CDH12: variants seen among roughly 807,000 people sequenced by gnomAD.
CDH12 encodes the protein cadherin-12.
CDH12 carries 41 observed loss-of-function variants against 74.1 expected under a neutral mutation model. The ratio of observed to expected loss-of-function variants is 0.55; its 90% CI spans 0.43 to 0.72. CDH12 has a LOEUF of 0.72. Ranked by LOEUF, CDH12 falls within the 30% of genes least tolerant of loss-of-function variation. The pLI, the probability that CDH12 is intolerant of heterozygous loss-of-function variation, is 0.00. For missense variants in CDH12, 945 were observed against 977.2 expected (o/e 0.97, Z 0.44); for synonymous variants, 399 against 355.0 (o/e 1.12, Z -1.39).
At chr5:22,294,195 A>C (rs2150415248) in intron 3 of CDH12, among the ~76,000 whole-genome samples, 1 of 152,314 alleles carries the variant, frequency 6.6e-6, no homozygotes, top group East Asian at 1.9e-4. Flanking sequence ...AAATAGATCT[A>C]TCAGCAAACA....
intron 5 of CDH12, among the ~76,000 whole-genome samples, chr5:21,978,151 CT>C (rs1561343353): frequency 6.6e-6 from 1 of 152,070 alleles, no homozygotes; most frequent in South Asian, 2.1e-4. Flanking sequence ...GATAACTTCT[CT>C]TTTTTTGAGT....
chr5:22,067,538 A>C (rs1240598171), intron 5 of CDH12, among the ~76,000 whole-genome samples: 3 of 152,154 alleles, frequency 2.0e-5, no homozygotes, highest in African/African-American at 4.8e-5. Flanking sequence ...GCTCTGAGAT[A>C]GATGCAGTCT....
intron 1 of CDH12, among the ~76,000 whole-genome samples, chr5:22,810,861 AAC>A (rs1196349812): frequency 2.6e-5 from 4 of 152,078 alleles, no homozygotes; most frequent in Non-Finnish European, 5.9e-5. Flanking sequence ...CAGCCTGGGC[AAC>A]AGAGTAAGAC....
chr5:22,705,130 T>TATATATAC (rs752782183), intron 1 of CDH12, among the ~76,000 whole-genome samples: 10,464 of 125,234 alleles, frequency 0.084, 524 homozygotes, highest in Admixed American at 0.15. Flanking sequence ...TATATATATA[T>TATATATAC]ACACACACAC....
At chr5:22,395,519 A>G (rs1184087837) in intron 3 of CDH12, among the ~76,000 whole-genome samples, 1 of 152,138 alleles carries the variant, frequency 6.6e-6, no homozygotes, top group African/African-American at 2.4e-5. Flanking sequence ...ATTTAACCTG[A>G]TATTAGGCTC....
intron 4 of CDH12, among the ~76,000 whole-genome samples, chr5:22,083,500 C>T (rs904195854): frequency 6.6e-6 from 1 of 152,122 alleles, no homozygotes; most frequent in African/African-American, 2.4e-5. Context: ...AAATTGTAGG[C>T]ACCAAGTACA....
chr5:22,342,788 T>A (rs1445932724), intron 3 of CDH12, among the ~76,000 whole-genome samples: 1 of 133,378 alleles, frequency 7.5e-6, no homozygotes, highest in Non-Finnish European at 1.6e-5. Flanking sequence ...CTTCCTTCCC[T>A]CCCTCCCTTC....
intron 6 of CDH12, chr5:21,889,814 T>C: frequency 1.0e-6 from 1 of 985,336 alleles, no homozygotes; most frequent in Non-Finnish European, 1.2e-6. Context: ...ATATAGATGA[T>C]GAAGAACAGC....
At chr5:22,128,862 A>C (rs1158457920) in intron 4 of CDH12, among the ~76,000 whole-genome samples, 1 of 152,228 alleles carries the variant, frequency 6.6e-6, no homozygotes, top group African/African-American at 2.4e-5. Context: ...GCACATTTGC[A>C]TGTCATGATT....
At chr5:22,503,838 A>T (rs1736275938) in intron 2 of CDH12, among the ~76,000 whole-genome samples, 1 of 152,066 alleles carries the variant, frequency 6.6e-6, no homozygotes, top group African/African-American at 2.4e-5. Context: ...AAAAGGAGAG[A>T]AAGTGCTGCA....
At chr5:21,934,721 G>C (rs140601613) in intron 6 of CDH12, among the ~76,000 whole-genome samples, 64 of 152,046 alleles carry the variant, frequency 4.2e-4, no homozygotes, top group African/African-American at 1.5e-3. Context: ...GGGGAGAAAG[G>C]CTAGAGCCTT....
At position 22,038,811 on chromosome 5, in the gene CDH12, C is replaced by T. The variant is rs74516877; in HGVS notation, c.231+39635G>A. Among the ~76,000 whole-genome samples the T allele has an allele frequency of 4.4e-4, 67 of 152,186 alleles. No individual in the cohort carries two copies. In the East Asian group the frequency reaches 0.012, roughly 28 times the overall value. On this transcript the variant is annotated intron_variant, in intron 5 of 14. Transcript: ENST00000382254. ...GCCTCGACTGAGCTGAGGAGTTGCACCTCCCAGGATCAAGTTGATGTGGTA... is the reference window on the plus strand; with the variant it reads ...GCCTCGACTGAGCTGAGGAGTTGCATCTCCCAGGATCAAGTTGATGTGGTA...
chr5:21,825,483 C>G (rs1748620208), intron 8 of CDH12, among the ~76,000 whole-genome samples: 1 of 152,166 alleles, frequency 6.6e-6, no homozygotes, highest in African/African-American at 2.4e-5. Context: ...TGATGAGACA[C>G]AAACTGCTCA....
At chr5:22,798,632 A>G (rs536346418) in intron 1 of CDH12, among the ~76,000 whole-genome samples, 4 of 152,262 alleles carry the variant, frequency 2.6e-5, no homozygotes, top group East Asian at 3.9e-4. Context: ...AATGAACTCA[A>G]AAGCATTCAT....
intron 1 of CDH12, among the ~76,000 whole-genome samples, chr5:22,653,631 T>C (rs1187799975): frequency 6.6e-6 from 1 of 152,132 alleles, no homozygotes; most frequent in African/African-American, 2.4e-5. Flanking sequence ...ACAGCAATAG[T>C]CTCCTAACAT....
chr5:22,165,958 AAAT>A (rs1234027432), intron 4 of CDH12, among the ~76,000 whole-genome samples: 2 of 152,144 alleles, frequency 1.3e-5, no homozygotes, highest in Non-Finnish European at 2.9e-5. Context: ...ATAATCAAGA[AAAT>A]AATATAAAAA....
At chr5:22,822,097 T>A (rs1561055792) in intron 1 of CDH12, among the ~76,000 whole-genome samples, 2 of 152,308 alleles carry the variant, frequency 1.3e-5, no homozygotes, top group African/African-American at 2.4e-5. Flanking sequence ...AACTATCTGA[T>A]CTTTGACAAA....
At chr5:22,061,477 G>T (rs1741184826) in intron 5 of CDH12, among the ~76,000 whole-genome samples, 1 of 152,104 alleles carries the variant, frequency 6.6e-6, no homozygotes, top group South Asian at 2.1e-4. Context: ...ATATAGTCAT[G>T]AATTCAAAGT....
intron 8 of CDH12, among the ~76,000 whole-genome samples, chr5:21,824,905 G>A (rs1291094804): frequency 6.6e-6 from 1 of 152,098 alleles, no homozygotes; most frequent in Non-Finnish European, 1.5e-5. Context: ...TGTAATCCCA[G>A]CACTTTGGGA....
Sources: gnomAD v4.1 joint callset for allele counts (sites outside exome capture counted in the v4.1 genomes callset) on GRCh38, gnomAD v4.1.1 for gene constraint, MANE v1.5 for transcripts, NCBI Gene and HGNC (gene_info 2026-07-23, HGNC 2026-07-21) for gene names.